The following TNRC18 variants were observed in gnomAD, a reference collection of about 807,000 sequenced individuals.
The protein encoded by TNRC18 is trinucleotide repeat containing 18, also known as trinucleotide repeat-containing gene 18 protein.
TNRC18 carries 69 observed loss-of-function variants against 226.7 expected under a neutral mutation model. The ratio of observed to expected loss-of-function variants is 0.30; its 90% CI spans 0.25 to 0.37. The LOEUF (loss-of-function observed/expected upper bound fraction) is 0.37. TNRC18 is among the 10% of genes least tolerant of loss of function. The probability of loss-of-function intolerance (pLI) is 1.00; values close to 1 mark genes in which losing one functional copy is unlikely to be tolerated. For synonymous variants in TNRC18, 2,449 were observed against 1,927.6 expected (o/e 1.27, Z -7.09); for missense variants, 4,754 against 4,256.6 (o/e 1.12, Z -3.25).
chr7:5,413,885 G>C (rs1009873922), intron 2 of TNRC18, among the ~76,000 whole-genome samples: 1 of 152,092 alleles, frequency 6.6e-6, no homozygotes, highest in Non-Finnish European at 1.5e-5. Context: ...TCAGAGAAAA[G>C]TTTGAAATAG....
intron 14 of TNRC18, among the ~76,000 whole-genome samples, chr7:5,360,685 G>A (rs1345838054): frequency 2.6e-5 from 4 of 152,318 alleles, no homozygotes; most frequent in Non-Finnish European, 5.9e-5. Context: ...GGTGGCCGCA[G>A]CCTCCTGCCC....
chr7:5,388,219 G>A lies in TNRC18; in HGVS notation c.1605C>T (p.Ala535=), dbSNP rs1055203238. The A allele has an allele frequency of 5.6e-6, 9 of 1,600,664 alleles. No individual in the cohort carries two copies. Among genetic ancestry groups the A allele is most frequent in the Non-Finnish European group, 4.3e-6 (5 of 1,175,012 alleles). ...VLAAQHHHSR[A]EEEAAVVAAS... is the part of the protein sequence containing the mutation. ...CAGCGACCACGGCGGCCTCCTCTTC[G>A]GCGCGGCTGTGGTGGTGCTGCGCGG... The change falls in exon 5 of 30, where the codon GCC becomes GCT. Residue 535 remains alanine, a synonymous_variant. Coordinates refer to ENST00000430969, the MANE Select transcript of TNRC18 (RefSeq NM_001080495.3).
At position 5,352,036 on chromosome 7, in the gene TNRC18, G is replaced by T. The variant is rs574639732; in HGVS notation, c.5253C>A (p.Pro1751=). 2.5e-6 allele frequency: 4 copies of T among 1,613,886 alleles called. No individual in the cohort carries two copies. Among genetic ancestry groups the T allele is most frequent in the Non-Finnish European group, 1.7e-6 (2 of 1,179,840 alleles). ...FLKDEWPAQG[P]SSSKLTPSLL... is the part of the protein sequence containing the mutation. ...GGGAAGGCGTCAGTTTGGAGCTGGA[G>T]GGGCCTTGGGCGGGCCACTCGTCCT... Residue 1751 remains proline, a synonymous_variant, in exon 17 of 30, where the codon CCC becomes CCA. Transcript: ENST00000430969.
intron 16 of TNRC18, among the ~76,000 whole-genome samples, chr7:5,356,573 C>T (rs1440863123): frequency 6.6e-6 from 1 of 152,254 alleles, no homozygotes; most frequent in African/African-American, 2.4e-5. Context: ...AACTCTATGA[C>T]GCACAAGGCT....
chr7:5,339,770 G>A (rs931029817), intron 18 of TNRC18, among the ~76,000 whole-genome samples: 13 of 148,382 alleles, frequency 8.8e-5, no homozygotes, highest in African/African-American at 1.5e-4. Flanking sequence ...GGGTTTCATC[G>A]TGTTGGTCAG....
chr7:5,420,341 G>T (rs957717427), intron 2 of TNRC18: 28 of 455,836 alleles, frequency 6.1e-5, no homozygotes, highest in Non-Finnish European at 7.9e-5. Flanking sequence ...CCTAGGTTCG[G>T]GACCGCGATG....
intron 29 of TNRC18, 38 bp from the exon 30 acceptor site, chr7:5,308,350 G>GA: frequency 6.3e-7 from 1 of 1,575,802 alleles, no homozygotes; most frequent in East Asian, 2.3e-5. Context: ...GCAGGTGGGG[G>GA]GCACAGAGGC....
rs775303983 is a variant in TNRC18, at chr7:5,389,170, C to G, written c.654G>C (p.Pro218=). ...CGCGCGGGTCCTTCTTGCCGAAAAG[C>G]GGAGGCGGCTCCCCGCCGCGGCCCG... ...ERAGRGGEPP[P]LFGKKDPRAR... Residue 218 remains proline (P), a synonymous_variant, in exon 5 of 30, where the codon CCG becomes CCC. Coordinates refer to ENST00000430969, the MANE Select transcript of TNRC18 (RefSeq NM_001080495.3). 14 of 1,321,278 alleles carry G rather than the reference C, an allele frequency of 1.1e-5. No individual in the cohort carries two copies. Among genetic ancestry groups the G allele is most frequent in the Non-Finnish European group, 1.4e-5 (14 of 1,036,648 alleles). The allele number at this position is 1,321,278 out of a possible 1,614,324, so 81.8% of individuals were successfully genotyped here.
chr7:5,356,607 G>A (rs1306039433), intron 16 of TNRC18, among the ~76,000 whole-genome samples: 2 of 152,220 alleles, frequency 1.3e-5, no homozygotes, highest in African/African-American at 2.4e-5. Context: ...CATCCGGTAG[G>A]CAAATGGCGG....
Position 5,315,000 on chromosome 7 carries a change from G to T in TNRC18, c.7011C>A (p.Ser2337Arg). ...CCAACCTACCACCCTTGGCCTTGGC[G>T]CTGGGTTTCCGCCCACGCCCACGGG... The part of the protein sequence containing the change: ...AKARGRGRKP[S>R]AKAKGDRAAT... The change falls in exon 26 of 30, where the codon AGC becomes AGA. Residue 2337 changes from serine (S) to arginine (R), a missense_variant. Physicochemically the swap from Ser to Arg is moderately radical, Grantham distance 110. Coordinates refer to ENST00000430969, the MANE Select transcript of TNRC18 (RefSeq NM_001080495.3). 1 of 1,606,852 alleles carries T rather than the reference G, an allele frequency of 6.2e-7. No individual in the cohort carries two copies. Among genetic ancestry groups the T allele is most frequent in the Non-Finnish European group, 8.5e-7 (1 of 1,177,652 alleles).
At chr7:5,374,579 G>A (rs1402167202) in intron 9 of TNRC18, 95 bp from the exon 10 acceptor site, 13 of 1,303,668 alleles carry the variant, frequency 1.0e-5, no homozygotes, top group African/African-American at 3.1e-5. Flanking sequence ...CCCCGAGTCC[G>A]AGGAGAACCT....
intron 5 of TNRC18, among the ~76,000 whole-genome samples, chr7:5,385,003 C>A (rs1779656053): frequency 1.3e-5 from 2 of 152,372 alleles, no homozygotes; most frequent in Middle Eastern, 3.4e-3. Flanking sequence ...GACTTCAGGG[C>A]CGTCCCCGGA....
At chr7:5,371,433 C>T (rs1469521133) in intron 10 of TNRC18, 69 bp from the exon 11 acceptor site, 45 of 1,432,068 alleles carry the variant, frequency 3.1e-5, no homozygotes, top group Non-Finnish European at 4.1e-5. Flanking sequence ...CTGACACCCG[C>T]CCACCACCCC....
At position 5,324,344 on chromosome 7, in the gene TNRC18, C is replaced by T. The variant is rs749575669; in HGVS notation, c.6312G>A (p.Lys2104=). ...GKEVKKENRG[K]GGAVSKLMES... ...CCATCAGCTTGCTCACGGCACCCCC[C>T]TTGCCGCGGTTCTGGGGACAGAACA... Residue 2104 remains lysine (K), a synonymous_variant, in exon 21 of 30, where the codon AAG becomes AAA. Coordinates refer to ENST00000430969, the MANE Select transcript of TNRC18 (RefSeq NM_001080495.3). This position sits in a 1 kb window ranked among gnomAD's most constrained non-coding sequence, Gnocchi z 4.8. 5 of 1,613,532 alleles carry T rather than the reference C, an allele frequency of 3.1e-6. No individual in the cohort carries two copies. Among genetic ancestry groups the T allele is most frequent in the East Asian group, 2.2e-5 (1 of 44,882 alleles).
intron 18 of TNRC18, among the ~76,000 whole-genome samples, chr7:5,336,731 G>A (rs778675166): frequency 6.6e-6 from 1 of 152,196 alleles, no homozygotes; most frequent in Admixed American, 6.5e-5. Context: ...GACAGAGCAA[G>A]ACCCTGTCTC....
intron 21 of TNRC18, among the ~76,000 whole-genome samples, 180 bp from the exon 22 acceptor site, chr7:5,321,370 G>C (rs1035272796): frequency 6.6e-6 from 1 of 152,158 alleles, no homozygotes. Context: ...AGACCTGTGT[G>C]TACCAGTGAG....
chr7:5,389,120 G>A lies in TNRC18; in HGVS notation c.704C>T (p.Pro235Leu), dbSNP rs1780071678. 3 of 1,315,798 alleles carry A rather than the reference G, an allele frequency of 2.3e-6. No individual in the cohort carries two copies. Among genetic ancestry groups the A allele is most frequent in the African/African-American group, 1.6e-5 (1 of 62,904 alleles). The allele number at this position is 1,315,798 out of a possible 1,614,324, so 81.5% of individuals were successfully genotyped here. Residue 235 changes from proline (P) to leucine (L), a missense_variant, in exon 5 of 30, where the codon CCA becomes CTA. By Grantham distance (98) the Pro-to-Leu change is moderately conservative. Transcript: ENST00000430969. ...PRARGEEASG[P>L]RGVVDLTQEA... is the part of the protein sequence containing the mutation. ...CTGGGTCAGGTCCACCACGCCCCGT[G>A]GCCCCGAGGCCTCCTCGCCCCGGGC... is the stretch of plus-strand genomic sequence containing the variant.
At chr7:5,336,914 A>G (rs1399160051) in intron 18 of TNRC18, among the ~76,000 whole-genome samples, 6 of 152,234 alleles carry the variant, frequency 3.9e-5, no homozygotes. Context: ...AAATGGTAAA[A>G]TGTATGTTAA....
In TNRC18 at chr7:5,397,151, G is replaced by A. The variant is rs186994524; in HGVS notation, c.188-2556C>T. On this transcript the variant is annotated intron_variant, in intron 2 of 29. Transcript: ENST00000430969. ...CTCCAGCGCCAAGCCCTCGGGCCCC[G>A]GGGCCTCGGTGGCCAGTCAGTTCAT... Among the ~76,000 whole-genome samples the A allele has an allele frequency of 2.1e-3, 321 of 152,036 alleles. 2 individuals carry two copies. Among genetic ancestry groups the A allele is most frequent in the African/African-American group, 7.3e-3 (301 of 41,498 alleles).
Sources: gnomAD v4.1 joint callset for allele counts (sites outside exome capture counted in the v4.1 genomes callset) on GRCh38, gnomAD v4.1.1 for gene constraint, Gnocchi (gnomAD v3.1) non-coding constraint, MANE v1.5 for transcripts, NCBI Gene and HGNC (gene_info 2026-07-23, HGNC 2026-07-21) for gene names.